FAM135B: variants seen among roughly 807,000 people sequenced by gnomAD.
FAM135B encodes family with sequence similarity 135 member B.
Under a neutral mutation model 127.7 loss-of-function variants are expected in FAM135B, and 43 were observed. That is an observed-to-expected ratio of 0.34 (90% CI 0.26 to 0.43). The LOEUF (loss-of-function observed/expected upper bound fraction) is 0.43. Ranked by LOEUF, FAM135B falls within the 20% of genes least tolerant of loss-of-function variation. The probability of loss-of-function intolerance (pLI) is 1.00; values close to 1 mark genes in which losing one functional copy is unlikely to be tolerated. For synonymous variants in FAM135B, 670 were observed against 665.1 expected, an observed-to-expected ratio of 1.01 and a Z score of -0.11; for missense variants, 1,558 against 1,725.6, an observed-to-expected ratio of 0.90 and a Z score of 1.72.
At chr8:138,310,771 C>T (rs2130891641) in intron 3 of FAM135B, 70 bp downstream of exon 3, 3 of 1,399,966 alleles carry the variant, frequency 2.1e-6, no homozygotes, top group South Asian at 1.2e-5. Flanking sequence ...CTCTGCTGTG[C>T]CCTGGCGAGC....
chr8:138,280,606 G>A (rs1437558609), intron 3 of FAM135B, among the ~76,000 whole-genome samples: 2 of 152,162 alleles, frequency 1.3e-5, no homozygotes, highest in Non-Finnish European at 2.9e-5. Flanking sequence ...CAGTAGTGCT[G>A]TGGTTCATCC....
chr8:138,452,170 C>T (rs1266625663), intron 1 of FAM135B, among the ~76,000 whole-genome samples: 6 of 122,514 alleles, frequency 4.9e-5, no homozygotes, highest in Non-Finnish European at 7.9e-5. Context: ...TGCTCTGTTG[C>T]TCAGGCTGGA....
At chr8:138,486,864 AGG>A (rs896016581) in intron 1 of FAM135B, among the ~76,000 whole-genome samples, 6 of 152,182 alleles carry the variant, frequency 3.9e-5, no homozygotes, top group African/African-American at 1.4e-4. Flanking sequence ...GTAACTGCCC[AGG>A]GTCCCTTGGC....
chr8:138,484,497 A>G (rs1316821871), intron 1 of FAM135B, among the ~76,000 whole-genome samples: 2 of 152,196 alleles, frequency 1.3e-5, no homozygotes, highest in Admixed American at 6.5e-5. Flanking sequence ...TGTGAACAGT[A>G]TTTTGCCCTC....
In FAM135B at chr8:138,351,683, CTTTTTT is replaced by C. The variant is rs889424592; in HGVS notation, c.77+16218_77+16223del. Among the ~76,000 whole-genome samples the C allele has an allele frequency of 2.4e-3, 267 of 109,468 alleles. 2 individuals are homozygous for C. Among genetic ancestry groups the C allele is most frequent in the African/African-American group, 8.2e-3 (241 of 29,316 alleles). The allele number at this position is 109,468 out of a possible 152,430, so 71.8% of individuals were successfully genotyped here. A position where few individuals can be genotyped will look rare whatever the true frequency, so the allele number is the denominator to read the frequency against. ...AAATTCCTACATGCTTAGGGCAGAT[CTTTTTT>C]TTTTTTTTTTTTTTTTTTAAGATGG... is the stretch of plus-strand genomic sequence containing the variant. On this transcript the variant is annotated intron_variant, in intron 2 of 19. Coordinates refer to ENST00000395297, the MANE Select transcript of FAM135B (RefSeq NM_015912.4).
rs772222621 is a variant in FAM135B, at chr8:138,152,182, T to C, written c.2293A>G (p.Thr765Ala). Residue 765 changes from threonine to alanine, a missense_variant, in exon 13 of 20, where the codon ACT (threonine) becomes GCT (alanine). This residue lies in a region of FAM135B where 923 missense variants were observed against 865.3 expected (regional missense o/e 1.07). Coordinates refer to ENST00000395297, the MANE Select transcript of FAM135B (RefSeq NM_015912.4). ...GCAGATACAGACTTGGTTAACTTAG[T>C]GAGTGCCACCTCCCGCTCATCCTCC... Reference protein sequence around the residue: ...FEEDEREVALTKLTKSVSAPH... With the variant: ...FEEDEREVALAKLTKSVSAPH... The C allele has an allele frequency of 1.1e-5, 18 of 1,613,898 alleles. No homozygotes were observed. The South Asian group carries it at 2.0e-4, about 18-fold the overall frequency.
rs908971022 is a variant in FAM135B at position 138,368,097 on chromosome 8, A to G, written c.-19-95T>C. 11 of 806,790 alleles carry G rather than the reference A, an allele frequency of 1.4e-5. No homozygotes were observed. In the African/African-American group the frequency reaches 1.9e-4, roughly 14 times the overall value. The allele number at this position is 806,790 out of a possible 1,614,324, so 50.0% of individuals were successfully genotyped here. A position where few individuals can be genotyped will look rare whatever the true frequency, so the allele number is the denominator to read the frequency against. On this transcript the variant is annotated intron_variant, in intron 1 of 19. Transcript: ENST00000395297. ...ACAGGAAACCAATCTGACCAACAGG[A>G]CCAACAGGAGTAGCGTGTGTCCACT...
chr8:138,371,721 A>T (rs980167702), intron 1 of FAM135B, among the ~76,000 whole-genome samples: 1 of 152,194 alleles, frequency 6.6e-6, no homozygotes, highest in Non-Finnish European at 1.5e-5. Flanking sequence ...ATGAGCATGT[A>T]CCATACACAC....
At chr8:138,447,561 A>G (rs1046970228) in intron 1 of FAM135B, among the ~76,000 whole-genome samples, 6 of 151,154 alleles carry the variant, frequency 4.0e-5, no homozygotes, top group African/African-American at 7.3e-5. Context: ...AGGACAAAAA[A>G]CCAAACACTG....
intron 1 of FAM135B, among the ~76,000 whole-genome samples, chr8:138,454,282 C>G (rs372212519): frequency 9.2e-5 from 14 of 152,108 alleles, no homozygotes; most frequent in African/African-American, 3.1e-4. Flanking sequence ...ATCAGGTACA[C>G]GTGAAGTGGA....
At chr8:138,154,753 T>TA (rs1818549018) in intron 12 of FAM135B, among the ~76,000 whole-genome samples, 1 of 151,092 alleles carries the variant, frequency 6.6e-6, no homozygotes, top group South Asian at 2.1e-4. Context: ...AAAAAAAGAG[T>TA]AAAAAGAAAT....
intron 2 of FAM135B, among the ~76,000 whole-genome samples, chr8:138,313,381 C>T (rs2130905910): frequency 6.6e-6 from 1 of 152,308 alleles, no homozygotes. Context: ...ATCCACCTGC[C>T]TTGGCCTCCC....
At chr8:138,421,039 C>CA (rs1258046592) in intron 1 of FAM135B, among the ~76,000 whole-genome samples, 2 of 152,136 alleles carry the variant, frequency 1.3e-5, no homozygotes, top group African/African-American at 4.8e-5. Flanking sequence ...AGGCTGGGTG[C>CA]AGTGGCTCAC....
Position 138,195,408 on chromosome 8 carries a change from TCA to T in FAM135B, c.824-103_824-102del, listed in dbSNP as rs1333918004. 9 of 1,111,928 alleles carry T rather than the reference TCA, an allele frequency of 8.1e-6. No individual in the cohort carries two copies. In the South Asian group the frequency reaches 1.0e-4, roughly 13 times the overall value. The allele number at this position is 1,111,928 out of a possible 1,614,324, so 68.9% of individuals were successfully genotyped here. ...CAAAAGTTTCACATTGGCATTAACG[TCA>T]CAGAGACAAACACATTGCTGAGGAC... On this transcript the variant is annotated intron_variant, in intron 8 of 19. Coordinates refer to ENST00000395297, the MANE Select transcript of FAM135B (RefSeq NM_015912.4).
chr8:138,472,409 T>C (rs1369608685), intron 1 of FAM135B, among the ~76,000 whole-genome samples: 1 of 152,112 alleles, frequency 6.6e-6, no homozygotes, highest in Non-Finnish European at 1.5e-5. Flanking sequence ...AAGAGCCACA[T>C]ACAAATGAAG....
intron 7 of FAM135B, among the ~76,000 whole-genome samples, chr8:138,239,407 G>GT (rs1820552469): frequency 6.6e-6 from 1 of 152,252 alleles, no homozygotes; most frequent in African/African-American, 2.4e-5. Context: ...TGATGGGGTT[G>GT]TTTTTTTCTT....
At chr8:138,486,241 T>G (rs1564037685) in intron 1 of FAM135B, among the ~76,000 whole-genome samples, 2 of 151,940 alleles carry the variant, frequency 1.3e-5, no homozygotes, top group African/African-American at 4.8e-5. Context: ...TGGCAAAGTT[T>G]CAGGAGACAT....
rs373650749 is a variant in FAM135B, at chr8:138,151,503, T to C, written c.2972A>G (p.His991Arg). The change falls in exon 13 of 20, where the codon CAT (histidine) becomes CGT (arginine). Residue 991 changes from histidine (H) to arginine (R), a missense_variant. His to Arg is a conservative substitution (Grantham distance 29). Around this residue, in one of 5 missense-constraint regions of FAM135B, gnomAD observed 923 missense variants for 865.3 expected, o/e 1.07. Transcript: ENST00000395297. ...KAGTVCPTVT[H>R]SVHSQVLKNQ... ...TTTCAAAACCTGGGAATGAACGGAA[T>C]GGGTCACAGTGGGGCACACAGTGCC... The C allele has an allele frequency of 6.2e-7, 1 of 1,614,112 alleles. No homozygotes were observed. The highest frequency in any genetic ancestry group is 1.3e-5 in the African/African-American group (1 of 74,948).
At chr8:138,217,432 C>CTTTTTTT (rs538347463) in intron 7 of FAM135B, among the ~76,000 whole-genome samples, 8 of 129,268 alleles carry the variant, frequency 6.2e-5, no homozygotes, top group African/African-American at 1.8e-4. Context: ...TGATATATTT[C>CTTTTTTT]TTTTTTTTTT....
Sources: gnomAD v4.1 joint callset for allele counts (sites outside exome capture counted in the v4.1 genomes callset) on GRCh38, gnomAD v4.1.1 for gene constraint, gnomAD v4.1.1 regional missense constraint, MANE v1.5 for transcripts, NCBI Gene and HGNC (gene_info 2026-07-23, HGNC 2026-07-21) for gene names.